VTI1A: variants seen among roughly 807,000 people sequenced by gnomAD.
VTI1A encodes the protein vesicle transport through interaction with t-SNAREs homolog 1A.
Under a neutral mutation model 34.9 loss-of-function variants are expected in VTI1A, and 22 were observed. The observed-to-expected ratio is 0.63, with a 90% CI of 0.45 to 0.90. The LOEUF is 0.90. Among genes scored for constraint, VTI1A ranks in the 40% least tolerant of loss-of-function variants. The pLI is 0.00. For synonymous variants in VTI1A, 87 were observed against 97.3 expected, an observed-to-expected ratio of 0.89 and a Z score of 0.62; for missense variants, 268 against 275.6, an observed-to-expected ratio of 0.97 and a Z score of 0.20.
chr10:112,535,793 T>C (rs1850597564), intron 4 of VTI1A, among the ~76,000 whole-genome samples: 1 of 152,188 alleles, frequency 6.6e-6, no homozygotes, highest in Non-Finnish European at 1.5e-5. Context: ...TGTATTTCCT[T>C]TCATTTACAG....
downstream of VTI1A, among the ~76,000 whole-genome samples, chr10:112,823,160 T>C (rs1853684541): frequency 6.6e-6 from 1 of 152,200 alleles, no homozygotes; most frequent in Non-Finnish European, 1.5e-5. Flanking sequence ...ATGACTGCAT[T>C]AGCAAAGGAG....
intron 5 of VTI1A, among the ~76,000 whole-genome samples, chr10:112,550,977 C>T (rs1256721011): frequency 1.3e-5 from 2 of 152,128 alleles, no homozygotes; most frequent in Admixed American, 1.3e-4. Context: ...GGCGCGGTGG[C>T]TCACGCCTGT....
At chr10:112,736,762 C>A (rs1425639070) in intron 7 of VTI1A, 2 of 1,544,524 alleles carry the variant, frequency 1.3e-6, no homozygotes, top group Non-Finnish European at 1.8e-6. Flanking sequence ...TGTCTCTGGC[C>A]CCAAAGGCTT....
chr10:112,529,823 A>G (rs1011829297), intron 4 of VTI1A, among the ~76,000 whole-genome samples: 15 of 152,124 alleles, frequency 9.9e-5, no homozygotes, highest in African/African-American at 2.9e-4. Flanking sequence ...GGTATTTTCA[A>G]TGTAACATAC....
At chr10:112,820,252 G>C (rs530612002), downstream of VTI1A, among the ~76,000 whole-genome samples, 9 of 152,356 alleles carry the variant, frequency 5.9e-5, no homozygotes, top group African/African-American at 2.2e-4. Flanking sequence ...AAGGTACCAA[G>C]AGCCATTTTT....
chr10:112,665,854 G>A (rs962424697), intron 5 of VTI1A, among the ~76,000 whole-genome samples: 4 of 151,990 alleles, frequency 2.6e-5, no homozygotes, highest in Middle Eastern at 3.4e-3. Context: ...ATATGATACT[G>A]GCCACAGACA....
At chr10:112,508,658 C>T (rs1454952183) in intron 3 of VTI1A, among the ~76,000 whole-genome samples, 1 of 152,126 alleles carries the variant, frequency 6.6e-6, no homozygotes, top group South Asian at 2.1e-4. Context: ...TCTGCACCCA[C>T]GCAGGTAATA....
At chr10:112,771,079 G>T (rs1851802375) in intron 7 of VTI1A, among the ~76,000 whole-genome samples, 1 of 151,872 alleles carries the variant, frequency 6.6e-6, no homozygotes, top group Non-Finnish European at 1.5e-5. Context: ...GAGCACACAC[G>T]GGCGCCCTTT....
chr10:112,654,067 C>T (rs17268060), intron 5 of VTI1A, among the ~76,000 whole-genome samples: 126 of 152,256 alleles, frequency 8.3e-4, no homozygotes, highest in Middle Eastern at 6.8e-3. Flanking sequence ...TAGAAACTCC[C>T]GATGTCATAG....
At chr10:112,566,858 AT>A (rs1564829575) in intron 5 of VTI1A, among the ~76,000 whole-genome samples, 1 of 152,078 alleles carries the variant, frequency 6.6e-6, no homozygotes, top group African/African-American at 2.4e-5. Context: ...TCAGCCAGTT[AT>A]GTGTGGGGCA....
rs117305072 is a variant in VTI1A at position 112,565,783 on chromosome 10, A to G, written c.427+27453A>G. ...AATGTGTGTTACTATAATTAATATAACAAAAAAGAACATATTTTGATATAC... is the reference window on the plus strand; with the variant it reads ...AATGTGTGTTACTATAATTAATATAGCAAAAAAGAACATATTTTGATATAC... On this transcript the variant is annotated intron_variant, in intron 5 of 7. Coordinates refer to ENST00000393077, the MANE Select transcript of VTI1A (RefSeq NM_145206.4). 9.6e-3 allele frequency among the ~76,000 whole-genome samples: 1,467 copies of G among 152,306 alleles called. 14 individuals carry two copies. The highest frequency in any genetic ancestry group is 0.016 in the Non-Finnish European group (1,100 of 68,012).
chr10:112,777,197 T>G (rs1227559462), intron 7 of VTI1A, among the ~76,000 whole-genome samples: 1 of 152,182 alleles, frequency 6.6e-6, no homozygotes, highest in South Asian at 2.1e-4. Flanking sequence ...AGAATCCTCA[T>G]GGATTCTGTT....
Position 112,447,269 on chromosome 10 carries a change from T to A in VTI1A, c.-105T>A. ...CTGTCCCCGGTTCTCCGTTCTGCTC[T>A]CGGGGGCACCTTCCGGGGTTCCTAA... On this transcript the variant is annotated 5_prime_UTR_variant, in exon 1 of 8. Transcript: ENST00000393077. 1 of 1,268,064 alleles carries A rather than the reference T, an allele frequency of 7.9e-7. No homozygotes were observed. The highest frequency in any genetic ancestry group is 1.5e-5 in the African/African-American group (1 of 67,682). 78.6% of individuals were successfully genotyped at this position (1,268,064 alleles called of 1,614,324 possible). A position where few individuals can be genotyped will look rare whatever the true frequency, so the allele number is the denominator to read the frequency against.
At chr10:112,662,264 A>G (rs1847488726) in intron 5 of VTI1A, among the ~76,000 whole-genome samples, 1 of 152,132 alleles carries the variant, frequency 6.6e-6, no homozygotes, top group African/African-American at 2.4e-5. Flanking sequence ...TTTGTCTCTA[A>G]TAATCTCTTT....
chr10:112,606,934 A>T (rs1201431600), intron 5 of VTI1A, among the ~76,000 whole-genome samples: 1 of 152,174 alleles, frequency 6.6e-6, no homozygotes, highest in Non-Finnish European at 1.5e-5. Flanking sequence ...TACATATGTT[A>T]TTTCTCATCC....
At chr10:112,523,635 T>C (rs1850112815) in intron 3 of VTI1A, among the ~76,000 whole-genome samples, 1 of 152,070 alleles carries the variant, frequency 6.6e-6, no homozygotes, top group Non-Finnish European at 1.5e-5. Flanking sequence ...TCTACTCTTA[T>C]GGTACAGACC....
At chr10:112,600,759 G>A (rs1050818193) in intron 5 of VTI1A, among the ~76,000 whole-genome samples, 4 of 152,156 alleles carry the variant, frequency 2.6e-5, no homozygotes, top group Non-Finnish European at 5.9e-5. Flanking sequence ...AAAGGTGAAT[G>A]TTCAAAAAAT....
intron 7 of VTI1A, among the ~76,000 whole-genome samples, chr10:112,690,863 T>G (rs568670904): frequency 1.3e-5 from 2 of 152,334 alleles, no homozygotes; most frequent in South Asian, 4.1e-4. Context: ...CAGAGTCACC[T>G]GCACAGATTC....
At chr10:112,485,087 C>G (rs1050318947) in intron 3 of VTI1A, 1 of 151,864 alleles carries the variant, frequency 6.6e-6, no homozygotes, top group Non-Finnish European at 1.5e-5. Context: ...TCAAGACCAG[C>G]CTGGCCACCA....
Sources: gnomAD v4.1 joint callset for allele counts (sites outside exome capture counted in the v4.1 genomes callset) on GRCh38, gnomAD v4.1.1 for gene constraint, MANE v1.5 for transcripts, NCBI Gene and HGNC (gene_info 2026-07-23, HGNC 2026-07-21) for gene names.